The following CLIC2 variants were observed in gnomAD, a reference collection of about 807,000 sequenced individuals.
CLIC2 encodes the protein chloride intracellular channel protein 2.
CLIC2 carries 9 observed loss-of-function variants against 14.8 expected under a neutral mutation model. The ratio of observed to expected loss-of-function variants is 0.61; its 90% CI spans 0.37 to 1.06. The LOEUF is 1.06. Ranked by LOEUF, CLIC2 falls within the 50% of genes least tolerant of loss-of-function variation. The pLI, the probability that CLIC2 is intolerant of heterozygous loss-of-function variation, is 0.01. For synonymous variants in CLIC2, 61 were observed against 66.3 expected, an observed-to-expected ratio of 0.92 and a Z score of 0.39; for missense variants, 148 against 181.4, an observed-to-expected ratio of 0.82 and a Z score of 1.06.
intron 1 of CLIC2, among the ~76,000 whole-genome samples, chrX:155,303,208 G>T (rs2075027959): frequency 1.4e-5 from 1 of 69,320 alleles, no homozygotes; most frequent in African/African-American, 5.0e-5. Flanking sequence ...TTAATGTGTG[G>T]GAGTCTAAGT....
At chrX:155,288,840 T>C (rs1434273457) in intron 3 of CLIC2, among the ~76,000 whole-genome samples, 2 of 111,338 alleles carry the variant, frequency 1.8e-5, no homozygotes, top group Admixed American at 1.9e-4. Context: ...CCTTAGATAA[T>C]AAGGTTTAGA....
rs1557317686 is a variant in CLIC2 at position 155,292,043 on chromosome X, C to T, written c.293+6742G>A. 5.6e-6 allele frequency: 3 copies of T among 539,308 alleles called. No individual in the cohort carries two copies. The African/African-American group carries it at 6.8e-5, about 12-fold the overall frequency. 44.4% of individuals were successfully genotyped at this position (539,308 alleles called of 1,213,427 possible). On this transcript the variant is annotated intron_variant, in intron 3 of 5. Transcript: ENST00000369449. The stretch of plus-strand genomic sequence containing the variant: ...CCGGACCCAGGCATCCAAAAAGAGG[C>T]GAATGGGCTCAGGAGATGGTTCTAG...
chrX:155,297,837 G>A (rs1459530329), intron 3 of CLIC2, among the ~76,000 whole-genome samples: 1 of 59,099 alleles, frequency 1.7e-5, no homozygotes, highest in African/African-American at 5.5e-5. Context: ...TCCAGCCTGG[G>A]CGACAGAGCG....
Position 155,277,071 on chromosome X carries a change from C to T in CLIC2, c.*832G>A, listed in dbSNP as rs56064215. ...GTACTTTAACAAGTGAATCTGAATA[C>T]GTATAGTAATGTAACATTTTAACTT... On this transcript the variant is annotated 3_prime_UTR_variant, in exon 6 of 6. Transcript: ENST00000369449. 1.8e-5 allele frequency: 2 copies of T among 112,063 alleles called. No individual in the cohort carries two copies. Among genetic ancestry groups the T allele is most frequent in the Non-Finnish European group, 3.8e-5 (2 of 53,121 alleles). The allele number at this position is 112,063 out of a possible 1,213,427, so 9.2% of individuals were successfully genotyped here.
In CLIC2 at chrX:155,297,884, A is replaced by AAAAAAAAAAAAAAAAAAAAAAAAAAAAG. The variant is rs1557318527; in HGVS notation, c.293+900_293+901insCTTTTTTTTTTTTTTTTTTTTTTTTTTT. ...TCAAAAAAAAAAAAAAAAAAAAAAAAAAGAAGGTGAACCATCAGAGAGACA... is the reference window on the plus strand; with the variant it reads ...TCAAAAAAAAAAAAAAAAAAAAAAAAAAAAAAAAAAAAAAAAAAAAAAAAAAAGAAGAAGGTGAACCATCAGAGAGACA... On this transcript the variant is annotated intron_variant, in intron 3 of 5. Transcript: ENST00000369449. Among the ~76,000 whole-genome samples the AAAAAAAAAAAAAAAAAAAAAAAAAAAAG allele has an allele frequency of 7.1e-4, 32 of 45,224 alleles. 12 individuals are homozygous for AAAAAAAAAAAAAAAAAAAAAAAAAAAAG. The highest frequency in any genetic ancestry group is 1.2e-3 in the Non-Finnish European group (25 of 20,615). 39.3% of individuals were successfully genotyped at this position (45,224 alleles called of 115,157 possible).
At chrX:155,289,778 T>A (rs2074956070) in intron 3 of CLIC2, among the ~76,000 whole-genome samples, 1 of 111,754 alleles carries the variant, frequency 8.9e-6, no homozygotes. Flanking sequence ...TGAGCTGATC[T>A]GCAATTTTAA....
At chrX:155,323,399 T>C (rs1001656943) in intron 1 of CLIC2, among the ~76,000 whole-genome samples, 1 of 112,275 alleles carries the variant, frequency 8.9e-6, no homozygotes, top group African/African-American at 3.2e-5. Flanking sequence ...ATAAACATTA[T>C]ACAGCATGTA....
intron 1 of CLIC2, chrX:155,309,595 T>C: frequency 3.6e-6 from 1 of 278,607 alleles, no homozygotes; most frequent in East Asian, 1.2e-4. Flanking sequence ...TGGGAAGGCC[T>C]CACAATCATG....
At chrX:155,293,190 C>T (rs888849876) in intron 3 of CLIC2, 10 of 766,941 alleles carry the variant, frequency 1.3e-5, no homozygotes, top group Admixed American at 1.1e-4. Flanking sequence ...GCTCTCCTGA[C>T]AGCCAGGAGG....
At chrX:155,323,709 G>A (rs781819653) in intron 1 of CLIC2, among the ~76,000 whole-genome samples, 1 of 111,921 alleles carries the variant, frequency 8.9e-6, no homozygotes, top group South Asian at 3.7e-4. Context: ...AAGAAATAAA[G>A]CATATACAAA....
At chrX:155,323,635 C>T (rs1557321979) in intron 1 of CLIC2, among the ~76,000 whole-genome samples, 1 of 111,837 alleles carries the variant, frequency 8.9e-6, no homozygotes, top group African/African-American at 3.2e-5. Context: ...ACAAGGATGC[C>T]CTCTCTCACC....
chrX:155,305,187 C>T (rs1479360715), intron 1 of CLIC2, among the ~76,000 whole-genome samples: 2 of 112,138 alleles, frequency 1.8e-5, no homozygotes, highest in East Asian at 2.8e-4. Flanking sequence ...GCCTCGCTGC[C>T]ACCTTGCAGT....
In CLIC2 at chrX:155,305,261, G is replaced by A. The variant is rs782770480; in HGVS notation, c.58-6116C>T. Reference sequence around the variant, plus strand: ...CGTGGGCGTGGGACCCTCCGAGCCAGGTGCGGGATATGTGGTGCGCCGTTT... The same window carrying A: ...CGTGGGCGTGGGACCCTCCGAGCCAAGTGCGGGATATGTGGTGCGCCGTTT... On this transcript the variant is annotated intron_variant, in intron 1 of 5. Coordinates refer to ENST00000369449, the MANE Select transcript of CLIC2 (RefSeq NM_001289.6). Among the ~76,000 whole-genome samples the A allele has an allele frequency of 2.0e-3, 222 of 112,454 alleles. 1 individual carries two copies. Among genetic ancestry groups the A allele is most frequent in the African/African-American group, 6.9e-3 (214 of 31,052 alleles).
At chrX:155,278,648 G>C (rs1476257662) in intron 5 of CLIC2, among the ~76,000 whole-genome samples, 1 of 112,488 alleles carries the variant, frequency 8.9e-6, no homozygotes, top group Non-Finnish European at 1.9e-5. Flanking sequence ...AAAGAAACAA[G>C]TTTTGGCTGG....
chrX:155,295,716 T>C (rs2074989838), intron 3 of CLIC2, among the ~76,000 whole-genome samples: 1 of 111,366 alleles, frequency 9.0e-6, no homozygotes, highest in South Asian at 3.7e-4. Flanking sequence ...AGCATTTCTA[T>C]ACACCAATAA....
chrX:155,289,843 T>C (rs2074956425), intron 3 of CLIC2, among the ~76,000 whole-genome samples: 1 of 112,033 alleles, frequency 8.9e-6, no homozygotes, highest in African/African-American at 3.2e-5. Flanking sequence ...AAGCACTATT[T>C]CTAAAAGTTG....
At chrX:155,315,275 C>T (rs1557320981) in intron 1 of CLIC2, among the ~76,000 whole-genome samples, 2 of 111,964 alleles carry the variant, frequency 1.8e-5, no homozygotes, top group Non-Finnish European at 3.8e-5. Flanking sequence ...GAAAATTTAT[C>T]ACAAAAAGAT....
chrX:155,278,772 A>G (rs2074907806), intron 5 of CLIC2: 2 of 142,595 alleles, frequency 1.4e-5, no homozygotes, highest in South Asian at 3.6e-4. Flanking sequence ...CTGTCTCTAC[A>G]AAAAGTACAA....
chrX:155,297,884 A>AAAAAAAAG lies in CLIC2; in HGVS notation c.293+900_293+901insCTTTTTTT, dbSNP rs1557318527. Among the ~76,000 whole-genome samples the AAAAAAAAG allele has an allele frequency of 4.2e-4, 19 of 45,226 alleles. 2 individuals carry two copies. Among genetic ancestry groups the AAAAAAAAG allele is most frequent in the African/African-American group, 1.0e-3 (17 of 17,048 alleles). 39.3% of individuals were successfully genotyped at this position (45,226 alleles called of 115,157 possible). A position where few individuals can be genotyped will look rare whatever the true frequency, so the allele number is the denominator to read the frequency against. The stretch of plus-strand genomic sequence containing the variant: ...TCAAAAAAAAAAAAAAAAAAAAAAA[A>AAAAAAAAG]AAGAAGGTGAACCATCAGAGAGACA... On this transcript the variant is annotated intron_variant, in intron 3 of 5. Coordinates refer to ENST00000369449, the MANE Select transcript of CLIC2 (RefSeq NM_001289.6).
Sources: gnomAD v4.1 joint callset for allele counts (sites outside exome capture counted in the v4.1 genomes callset) on GRCh38, gnomAD v4.1.1 for gene constraint, MANE v1.5 for transcripts, NCBI Gene and HGNC (gene_info 2026-07-23, HGNC 2026-07-21) for gene names.